TBC1D13: variants seen among roughly 807,000 people sequenced by gnomAD.
TBC1D13 encodes the protein TBC1 domain family member 13, also known as epididymis secretory sperm binding protein.
A neutral mutation model predicts 53.6 loss-of-function variants in TBC1D13; 40 were observed. The observed-to-expected ratio is 0.75, with a 90% CI of 0.58 to 0.97. TBC1D13 has a LOEUF of 0.97. TBC1D13 is among the 50% of genes least tolerant of loss of function. The probability of loss-of-function intolerance (pLI) is 0.00; values close to 1 mark genes in which losing one functional copy is unlikely to be tolerated. For missense variants in TBC1D13, 377 were observed against 499.4 expected (o/e 0.75, Z 2.34); for synonymous variants, 182 against 197.7 (o/e 0.92, Z 0.67).
At chr9:128,805,838 C>A (rs776971367) in intron 9 of TBC1D13, 21 bp from the exon 10 acceptor site, 1 of 1,608,304 alleles carries the variant, frequency 6.2e-7, no homozygotes, top group Non-Finnish European at 8.5e-7. Context: ...ATGCCCCCCA[C>A]CCCCCACGCT....
chr9:128,794,360 A>G (rs1389332887), intron 6 of TBC1D13, among the ~76,000 whole-genome samples: 8 of 152,222 alleles, frequency 5.3e-5, no homozygotes, highest in Admixed American at 5.2e-4. Context: ...CTCTCAGGCT[A>G]GGGTTGGTGC....
intron 11 of TBC1D13, 98 bp downstream of exon 11, chr9:128,806,409 G>A: frequency 2.1e-6 from 3 of 1,411,560 alleles, no homozygotes; most frequent in Non-Finnish European, 3.0e-6. Flanking sequence ...GGCAGGGGCA[G>A]CGGAGTGTAG....
chr9:128,790,607 C>A, intron 2 of TBC1D13, 128 bp from the exon 3 acceptor site: 1 of 830,890 alleles, frequency 1.2e-6, no homozygotes, highest in Non-Finnish European at 1.8e-6. Context: ...AGTCATCTTT[C>A]TTGGGGAAAT....
chr9:128,792,486 C>G lies in TBC1D13; in HGVS notation c.301-6C>G. On this transcript the variant is annotated splice_polypyrimidine_tract_variant and splice_region_variant and intron_variant, in intron 5 of 11. Transcript: ENST00000372648. ...TTGGACAGAGCATCTTCATTTCTCC[C>G]CACAGCCACTCAACCCCAACCCTGA... 2 of 1,613,970 alleles carry G rather than the reference C, an allele frequency of 1.2e-6. No individual in the cohort carries two copies. The highest frequency in any genetic ancestry group is 1.7e-6 in the Non-Finnish European group (2 of 1,179,892).
intron 6 of TBC1D13, among the ~76,000 whole-genome samples, chr9:128,793,725 A>AC (rs950121648): frequency 6.6e-6 from 1 of 152,092 alleles, no homozygotes; most frequent in Non-Finnish European, 1.5e-5. Context: ...CCTGCCTGGG[A>AC]CCCCCGGCAC....
chr9:128,791,449 C>T lies in TBC1D13; in HGVS notation c.200+8C>T, dbSNP rs557328182. 1 of 1,614,080 alleles carries T rather than the reference C, an allele frequency of 6.2e-7. No homozygotes were observed. Among genetic ancestry groups the T allele is most frequent in the South Asian group, 1.1e-5 (1 of 91,082 alleles). On this transcript the variant is annotated splice_region_variant and intron_variant, in intron 4 of 11. Transcript: ENST00000372648. ...CATCCTGGCCAAGCAGAGGTGAGAC[C>T]CCGTGTAAGGGCAGTGACAGGAGGG...
In TBC1D13 at chr9:128,807,292, G is replaced by C. The variant is rs370360217; in HGVS notation, c.1138-522G>C. Among the ~76,000 whole-genome samples the C allele has an allele frequency of 6.6e-5, 10 of 152,120 alleles. No homozygotes were observed. In the South Asian group the frequency reaches 2.1e-3, roughly 32 times the overall value. On this transcript the variant is annotated intron_variant, in intron 11 of 11. Coordinates refer to ENST00000372648, the MANE Select transcript of TBC1D13 (RefSeq NM_018201.5). ...AGTAGAGACAGGGTTTCACCATCTTGGTCAGGCTGGTCTCGAACTCCTGAC... is the reference window on the plus strand; with the variant it reads ...AGTAGAGACAGGGTTTCACCATCTTCGTCAGGCTGGTCTCGAACTCCTGAC...
intron 10 of TBC1D13, 77 bp from the exon 11 acceptor site, chr9:128,806,177 G>T: frequency 1.2e-6 from 2 of 1,608,502 alleles, no homozygotes; most frequent in Non-Finnish European, 8.5e-7. Context: ...ACTTGAGGTG[G>T]GTAGGGAGGG....
At chr9:128,805,319 A>G (rs1829811777) in intron 9 of TBC1D13, among the ~76,000 whole-genome samples, 2 of 152,058 alleles carry the variant, frequency 1.3e-5, no homozygotes, top group Non-Finnish European at 2.9e-5. Context: ...CAATATAGCG[A>G]GACCTCATCT....
chr9:128,806,536 C>T (rs990602954), intron 11 of TBC1D13, among the ~76,000 whole-genome samples: 1 of 152,196 alleles, frequency 6.6e-6, no homozygotes, highest in Non-Finnish European at 1.5e-5. Flanking sequence ...GCCTTCAAAC[C>T]GTGTACTCTA....
intron 5 of TBC1D13, 32 bp downstream of exon 5, chr9:128,791,725 T>A: frequency 6.2e-7 from 1 of 1,600,748 alleles, no homozygotes; most frequent in Non-Finnish European, 8.6e-7. Context: ...AGACCCAGGA[T>A]ACAGAATGTG....
chr9:128,796,870 A>G (rs1417787442), intron 6 of TBC1D13, among the ~76,000 whole-genome samples, 185 bp from the exon 7 acceptor site: 1 of 152,112 alleles, frequency 6.6e-6, no homozygotes, highest in Non-Finnish European at 1.5e-5. Flanking sequence ...CGGGAGTTGG[A>G]GCTTGCAGTG....
chr9:128,788,674 C>G (rs535020708), intron 2 of TBC1D13, among the ~76,000 whole-genome samples: 2 of 152,100 alleles, frequency 1.3e-5, no homozygotes, highest in African/African-American at 4.8e-5. Flanking sequence ...CAGGAGGTGC[C>G]AGATTCCTGA....
chr9:128,798,508 G>A (rs1445426174), intron 7 of TBC1D13, among the ~76,000 whole-genome samples: 1 of 152,174 alleles, frequency 6.6e-6, no homozygotes, highest in Non-Finnish European at 1.5e-5. Flanking sequence ...TTTAGGCACT[G>A]TGGAGATACA....
intron 6 of TBC1D13, among the ~76,000 whole-genome samples, chr9:128,795,780 A>G (rs1292668618): frequency 1.3e-5 from 2 of 151,516 alleles, no homozygotes; most frequent in African/African-American, 4.9e-5. Context: ...TTTTTTACAG[A>G]TGGGGTCTCC....
At chr9:128,789,033 A>G (rs1342762073) in intron 2 of TBC1D13, among the ~76,000 whole-genome samples, 2 of 152,176 alleles carry the variant, frequency 1.3e-5, no homozygotes, top group Non-Finnish European at 2.9e-5. Flanking sequence ...TGCCAGCAAG[A>G]ACTTCTGGCC....
Position 128,792,495 on chromosome 9 carries a change from C to G in TBC1D13, c.304C>G (p.Leu102Val). The change falls in exon 6 of 12, where the codon CTC (leucine) becomes GTC (valine). Residue 102 changes from leucine (L) to valine (V), a missense_variant. By Grantham distance (32) the Leu-to-Val change is conservative. Coordinates refer to ENST00000372648, the MANE Select transcript of TBC1D13 (RefSeq NM_018201.5). Reference protein sequence around the residue: ...REDVTFEDHPLNPNPDSRWNT... With the variant: ...REDVTFEDHPVNPNPDSRWNT... Reference sequence around the variant, plus strand: ...GCATCTTCATTTCTCCCCACAGCCACTCAACCCCAACCCTGACAGCCGGTG... The same window carrying G: ...GCATCTTCATTTCTCCCCACAGCCAGTCAACCCCAACCCTGACAGCCGGTG... 1 of 1,614,124 alleles carries G rather than the reference C, an allele frequency of 6.2e-7. No individual in the cohort carries two copies. The highest frequency in any genetic ancestry group is 8.5e-7 in the Non-Finnish European group (1 of 1,179,980).
chr9:128,787,707 T>C (rs1405402595), intron 1 of TBC1D13, among the ~76,000 whole-genome samples: 3 of 137,142 alleles, frequency 2.2e-5, no homozygotes, highest in Non-Finnish European at 4.6e-5. Flanking sequence ...TCTCTCCAAG[T>C]GCACCCTGTC....
chr9:128,803,558 T>TCTGGCA, intron 8 of TBC1D13, 98 bp downstream of exon 8: 1 of 1,170,282 alleles, frequency 8.5e-7, no homozygotes, highest in Non-Finnish European at 1.2e-6. Flanking sequence ...CTCTGCCAGA[T>TCTGGCA]GAGGAGTTGG....
Sources: gnomAD v4.1 joint callset for allele counts (sites outside exome capture counted in the v4.1 genomes callset) on GRCh38, gnomAD v4.1.1 for gene constraint, MANE v1.5 for transcripts, NCBI Gene and HGNC (gene_info 2026-07-23, HGNC 2026-07-21) for gene names.